EFCAB6: variants seen among roughly 807,000 people sequenced by gnomAD.
The protein encoded by EFCAB6 is EF-hand calcium binding domain 6.
A neutral mutation model predicts 169.8 loss-of-function variants in EFCAB6; 156 were observed. The observed-to-expected ratio is 0.92, with a 90% CI of 0.81 to 1.05. The LOEUF (loss-of-function observed/expected upper bound fraction) is 1.05, where lower values mean the gene tolerates loss of function less well. Ranked by LOEUF, EFCAB6 falls within the 50% of genes least tolerant of loss-of-function variation. EFCAB6 has a pLI of 0.00. For synonymous variants in EFCAB6, 698 were observed against 676.4 expected, an observed-to-expected ratio of 1.03 and a Z score of -0.50; for missense variants, 1,800 against 1,829.1, an observed-to-expected ratio of 0.98 and a Z score of 0.29.
At chr22:43,565,233 G>A (rs1041939354) in intron 26 of EFCAB6, among the ~76,000 whole-genome samples, 1 of 152,230 alleles carries the variant, frequency 6.6e-6, no homozygotes, top group East Asian at 1.9e-4. Context: ...CCAAGGAGGA[G>A]AATGACAGAG....
intron 27 of EFCAB6, among the ~76,000 whole-genome samples, chr22:43,542,681 G>A (rs1457330780): frequency 1.3e-5 from 2 of 152,104 alleles, no homozygotes; most frequent in Non-Finnish European, 2.9e-5. Context: ...GAGGGTGGAG[G>A]AGGCAGCACC....
chr22:43,664,130 C>A (rs372330056), intron 17 of EFCAB6, among the ~76,000 whole-genome samples: 52 of 152,268 alleles, frequency 3.4e-4, no homozygotes, highest in African/African-American at 1.1e-3. Context: ...AGTGAGCTGA[C>A]CTTTGGGGTC....
chr22:43,549,223 A>G (rs2048247831), intron 27 of EFCAB6, among the ~76,000 whole-genome samples: 1 of 152,184 alleles, frequency 6.6e-6, no homozygotes, highest in South Asian at 2.1e-4. Flanking sequence ...AAGGAATAAT[A>G]AAGATAAGAG....
intron 17 of EFCAB6, among the ~76,000 whole-genome samples, chr22:43,643,366 G>A (rs2055931254): frequency 1.3e-5 from 2 of 152,224 alleles, no homozygotes; most frequent in Non-Finnish European, 2.9e-5. Flanking sequence ...CATAGACTCA[G>A]CACTGGAAGA....
chr22:43,670,527 C>T (rs746945856), intron 15 of EFCAB6, among the ~76,000 whole-genome samples: 2 of 152,196 alleles, frequency 1.3e-5, no homozygotes, highest in Admixed American at 6.5e-5. Context: ...CTTAATAAAT[C>T]GCAGCTGTAA....
Position 43,576,503 on chromosome 22 carries a change from A to G in EFCAB6, c.3229-15T>C. The G allele has an allele frequency of 1.3e-6, 2 of 1,510,024 alleles. No individual in the cohort carries two copies. The highest frequency in any genetic ancestry group is 8.8e-7 in the Non-Finnish European group (1 of 1,137,788). 93.5% of individuals were successfully genotyped at this position (1,510,024 alleles called of 1,614,324 possible). A position where few individuals can be genotyped will look rare whatever the true frequency, so the allele number is the denominator to read the frequency against. ...GCAGAAAATGCCTAAAAAGAAAGAAAAGAAAAAAAGATGGCAAATCCTGTC... is the reference window on the plus strand; with the variant it reads ...GCAGAAAATGCCTAAAAAGAAAGAAGAGAAAAAAAGATGGCAAATCCTGTC... On this transcript the variant is annotated splice_polypyrimidine_tract_variant and intron_variant, in intron 25 of 31. Coordinates refer to ENST00000262726, the MANE Select transcript of EFCAB6 (RefSeq NM_022785.4).
At chr22:43,725,078 T>A (rs1453338356) in intron 8 of EFCAB6, among the ~76,000 whole-genome samples, 1 of 151,654 alleles carries the variant, frequency 6.6e-6, no homozygotes, top group East Asian at 1.9e-4. Context: ...TGCTCTGTTG[T>A]AACATGGAAG....
In EFCAB6 at chr22:43,537,437, T is replaced by C. The variant is rs200230352; in HGVS notation, c.3988A>G (p.Lys1330Glu). ...GCCACGTCCTTCTCCTTGCATTCTT[T>C]CAGGAGCTGGCGCCAGCAGCCCTGG... ...RIQGCWRQLL[K>E]ECKEKDVARQ... The change falls in exon 29 of 32, where the codon AAA (lysine) becomes GAA (glutamate). Residue 1330 changes from lysine (K) to glutamate (E), a missense_variant. Coordinates refer to ENST00000262726, the MANE Select transcript of EFCAB6 (RefSeq NM_022785.4). The surrounding 1 kb of genome is among the most constrained non-coding windows in gnomAD (Gnocchi z 4.3). 5.3e-5 allele frequency: 85 copies of C among 1,614,126 alleles called. No individual in the cohort carries two copies. The highest frequency in any genetic ancestry group is 7.2e-5 in the Non-Finnish European group (85 of 1,180,034).
intron 20 of EFCAB6, among the ~76,000 whole-genome samples, chr22:43,617,386 T>A (rs866076723): frequency 4.6e-5 from 7 of 152,230 alleles, no homozygotes; most frequent in Non-Finnish European, 7.3e-5. Flanking sequence ...AGATCCCAGT[T>A]GATCTCATGG....
chr22:43,622,600 A>G (rs1229522419), intron 20 of EFCAB6, among the ~76,000 whole-genome samples: 1 of 152,128 alleles, frequency 6.6e-6, no homozygotes, highest in Non-Finnish European at 1.5e-5. Context: ...AAACAAACTC[A>G]TTCTATTTTG....
In EFCAB6 at chr22:43,672,532, T is replaced by C. The variant is rs79750162; in HGVS notation, c.1420-227A>G. Reference sequence around the variant, plus strand: ...ATAAAAAGAATGAGATCATGTCTTTTGCAGGGACATAGACGGAGCTGGAGG... The same window carrying C: ...ATAAAAAGAATGAGATCATGTCTTTCGCAGGGACATAGACGGAGCTGGAGG... On this transcript the variant is annotated intron_variant, in intron 13 of 31. Coordinates refer to ENST00000262726, the MANE Select transcript of EFCAB6 (RefSeq NM_022785.4). 7.5e-3 allele frequency among the ~76,000 whole-genome samples: 1,149 copies of C among 152,334 alleles called. 3 individuals are homozygous for C. Among genetic ancestry groups the C allele is most frequent in the Non-Finnish European group, 0.012 (797 of 68,036 alleles).
At chr22:43,770,111 C>T (rs1440570635) in intron 4 of EFCAB6, among the ~76,000 whole-genome samples, 1 of 152,246 alleles carries the variant, frequency 6.6e-6, no homozygotes, top group Middle Eastern at 3.4e-3. Flanking sequence ...CCTGCTTTGG[C>T]TTCCCAAAGT....
intron 8 of EFCAB6, among the ~76,000 whole-genome samples, chr22:43,723,625 G>C (rs2059616594): frequency 6.6e-6 from 1 of 152,168 alleles, no homozygotes; most frequent in Admixed American, 6.5e-5. Flanking sequence ...AACAAAGGTG[G>C]AGCCCACTCT....
At chr22:43,571,545 T>C (rs1234261385) in intron 26 of EFCAB6, among the ~76,000 whole-genome samples, 2 of 152,118 alleles carry the variant, frequency 1.3e-5, no homozygotes, top group Non-Finnish European at 2.9e-5. Context: ...ACTGGAGAAG[T>C]TAATGATGAA....
At position 43,661,928 on chromosome 22, in the gene EFCAB6, C is replaced by T. The variant is rs184375514; in HGVS notation, c.1983+5176G>A. On this transcript the variant is annotated intron_variant, in intron 17 of 31. Coordinates refer to ENST00000262726, the MANE Select transcript of EFCAB6 (RefSeq NM_022785.4). ...GGTCAGGAGTTCGCGACCAGCCTGACCAATATGGTGAAAACCAGTCTCTAC... is the reference window on the plus strand; with the variant it reads ...GGTCAGGAGTTCGCGACCAGCCTGATCAATATGGTGAAAACCAGTCTCTAC... Among the ~76,000 whole-genome samples the T allele has an allele frequency of 2.6e-5, 4 of 152,192 alleles. No individual in the cohort carries two copies. In the East Asian group the frequency reaches 7.7e-4, roughly 29 times the overall value.
At chr22:43,721,019 T>C (rs1368794900) in intron 8 of EFCAB6, among the ~76,000 whole-genome samples, 1 of 152,242 alleles carries the variant, frequency 6.6e-6, no homozygotes, top group African/African-American at 2.4e-5. Context: ...ATAAATCATT[T>C]AAACAAGGTT....
rs182906887 is a variant in EFCAB6 at position 43,555,775 on chromosome 22, C to T, written c.3421-679G>A. On this transcript the variant is annotated intron_variant, in intron 26 of 31. Coordinates refer to ENST00000262726, the MANE Select transcript of EFCAB6 (RefSeq NM_022785.4). ...CAGGGGGTTGGAGTGTGGTTCAGGT[C>T]CTCATGACACTGTCCTTGGTGCTAA... Among the ~76,000 whole-genome samples the T allele has an allele frequency of 5.2e-3, 790 of 152,300 alleles. 4 individuals carry two copies. The highest frequency in any genetic ancestry group is 0.041 in the Middle Eastern group (12 of 294).
At chr22:43,597,345 T>A (rs1381883871) in intron 23 of EFCAB6, among the ~76,000 whole-genome samples, 1 of 152,120 alleles carries the variant, frequency 6.6e-6, no homozygotes, top group East Asian at 1.9e-4. Flanking sequence ...AAACTCCCCA[T>A]CTGACAAGGG....
At chr22:43,677,844 T>C (rs1178606481) in intron 13 of EFCAB6, 152 bp downstream of exon 13, 2 of 783,574 alleles carry the variant, frequency 2.6e-6, no homozygotes, top group Non-Finnish European at 3.9e-6. Context: ...ATCAAAGTGC[T>C]TAAACACTTG....
Sources: gnomAD v4.1 joint callset for allele counts (sites outside exome capture counted in the v4.1 genomes callset) on GRCh38, gnomAD v4.1.1 for gene constraint, Gnocchi (gnomAD v3.1) non-coding constraint, MANE v1.5 for transcripts, NCBI Gene and HGNC (gene_info 2026-07-23, HGNC 2026-07-21) for gene names.